Variants in CAPNS1 observed in about 807,000 individuals in gnomAD.
CAPNS1 encodes the protein CANP small subunit.
In CAPNS1, 32 loss-of-function variants were observed where a neutral mutation model predicts 39.2. The observed-to-expected ratio is 0.82, with a 90% CI of 0.62 to 1.10. The LOEUF (loss-of-function observed/expected upper bound fraction) is 1.10. CAPNS1 is among the 50% of genes least tolerant of loss of function. CAPNS1 has a pLI of 0.00. For synonymous variants in CAPNS1, 153 were observed against 136.2 expected (o/e 1.12, Z -0.86); for missense variants, 353 against 373.1 (o/e 0.95, Z 0.44).
intron 6 of CAPNS1, among the ~76,000 whole-genome samples, chr19:36,144,976 C>G (rs1396165348): frequency 6.6e-6 from 1 of 152,142 alleles, no homozygotes; most frequent in African/African-American, 2.4e-5. Context: ...ATGTTTTCTT[C>G]TCTGGAAATA....
chr19:36,147,813 C>T (rs1033544996), intron 9 of CAPNS1, among the ~76,000 whole-genome samples: 2 of 151,306 alleles, frequency 1.3e-5, no homozygotes, highest in African/African-American at 4.9e-5. Context: ...TGGCTTATGC[C>T]TGTAATCCCA....
chr19:36,144,500 G>A (rs1974496576), intron 6 of CAPNS1, among the ~76,000 whole-genome samples: 1 of 152,158 alleles, frequency 6.6e-6, no homozygotes, highest in Admixed American at 6.5e-5. Context: ...CTGTACATGG[G>A]CCAGCCATTA....
chr19:36,141,135 G>A lies in CAPNS1; in HGVS notation c.124G>A (p.Gly42Ser). 7.2e-7 allele frequency: 1 copy of A among 1,384,992 alleles called. No homozygotes were observed. The highest frequency in any genetic ancestry group is 1.7e-5 in the South Asian group (1 of 57,374). The allele number at this position is 1,384,992 out of a possible 1,614,324, so 85.8% of individuals were successfully genotyped here. The change falls in exon 2 of 11, where the codon GGC becomes AGC. Residue 42 changes from glycine (G) to serine (S), a missense_variant. By Grantham distance (56) the Gly-to-Ser change is moderately conservative (BLOSUM62 0). Coordinates refer to ENST00000246533, the MANE Select transcript of CAPNS1 (RefSeq NM_001749.4). Reference sequence around the variant, plus strand: ...CAGCGGGGCCGGGGGCGGCGGCGGCGGCGGCGGCGGCGGCGGCGGTGGTGG... The same window carrying A: ...CAGCGGGGCCGGGGGCGGCGGCGGCAGCGGCGGCGGCGGCGGCGGTGGTGG... ...LISGAGGGGGGGGGGGGGGGG... is the reference protein window; with the variant it reads ...LISGAGGGGGSGGGGGGGGGG...
At position 36,141,065 on chromosome 19, in the gene CAPNS1, CG is replaced by C; in HGVS notation, c.59del (p.Gly20AlafsTer13). Reference protein sequence around the residue: ...KGGGGGGGGGGGLGGGLGNVL... With the variant: ...KGGGGGGGGGXGLGGGLGNVL... ...GCGGCGGCGGCGGCGGCGGGGGAGG[CG>C]GGGGCCTGGGTGGGGGCCTGGGAAA... On this transcript the variant is annotated frameshift_variant, in exon 2 of 11. Transcript: ENST00000246533. LOFTEE classifies it high-confidence loss of function. The C allele has an allele frequency of 3.8e-6, 2 of 524,370 alleles. No homozygotes were observed. The highest frequency in any genetic ancestry group is 7.8e-5 in the East Asian group (1 of 12,868). 32.5% of individuals were successfully genotyped at this position (524,370 alleles called of 1,614,324 possible).
Position 36,142,321 on chromosome 19 carries a change from C to A in CAPNS1, c.231C>A (p.Asn77Lys). ...SAISEAAAQY[N>K]PEPPPPRTHY... ...GCAGCGAGGCGGCTGCGCAGTACAA[C>A]CCGGAGCCCCCGGTAAGCCCCCTCT... The change falls in exon 3 of 11, where the codon AAC becomes AAA. Residue 77 changes from asparagine (N) to lysine (K), a missense_variant. Asn to Lys is a moderately conservative substitution (Grantham distance 94). Transcript: ENST00000246533. 3 of 1,559,418 alleles carry A rather than the reference C, an allele frequency of 1.9e-6. No homozygotes were observed. Among genetic ancestry groups the A allele is most frequent in the Non-Finnish European group, 1.7e-6 (2 of 1,145,624 alleles).
At chr19:36,149,454 C>T in intron 9 of CAPNS1, 124 bp from the exon 10 acceptor site, 1 of 880,358 alleles carries the variant, frequency 1.1e-6, no homozygotes, top group Non-Finnish European at 1.6e-6. Context: ...GCTTGGCACA[C>T]AGTAAATACT....
Position 36,143,065 on chromosome 19 carries a change from C to T in CAPNS1, c.393C>T (p.His131=), listed in dbSNP as rs1182501062. Residue 131 remains histidine (H), a splice_region_variant and synonymous_variant, in exon 6 of 11, where the codon CAC becomes CAT. Transcript: ENST00000246533. ...TGACTTTCAACCTGTTACCCACAGA[C>T]CCTGATCTGAAGACTGATGGTTTTG... The part of the protein sequence containing the change: ...MNILNKVVTR[H]PDLKTDGFGI... The T allele has an allele frequency of 1.9e-6, 3 of 1,614,174 alleles. No homozygotes were observed. Among genetic ancestry groups the T allele is most frequent in the Middle Eastern group, 1.7e-4 (1 of 6,060 alleles).
At position 36,149,908 on chromosome 19, in the gene CAPNS1, G is replaced by A; in HGVS notation, c.*69G>A. On this transcript the variant is annotated 3_prime_UTR_variant, in exon 11 of 11. Transcript: ENST00000246533. ...TCACCTGGAGCCTCGGTCTCTCCCA[G>A]GGCCGATCCTGTCTGCAGTCACATC... 7.5e-7 allele frequency: 1 copy of A among 1,338,998 alleles called. No homozygotes were observed. Among genetic ancestry groups the A allele is most frequent in the Non-Finnish European group, 9.8e-7 (1 of 1,022,764 alleles). 82.9% of individuals were successfully genotyped at this position (1,338,998 alleles called of 1,614,324 possible). A position where few individuals can be genotyped will look rare whatever the true frequency, so the allele number is the denominator to read the frequency against.
At chr19:36,143,173 G>A in intron 6 of CAPNS1, 45 bp downstream of exon 6, 3 of 1,569,522 alleles carry the variant, frequency 1.9e-6, no homozygotes, top group Non-Finnish European at 2.6e-6. Context: ...TGGACAGAGA[G>A]TTTTTTGAGA....
In CAPNS1 at chr19:36,142,745, A is replaced by G. The variant is rs1307799053; in HGVS notation, c.333+4A>G. The G allele has an allele frequency of 6.2e-7, 1 of 1,613,394 alleles. No homozygotes were observed. Among genetic ancestry groups the G allele is most frequent in the Non-Finnish European group, 8.5e-7 (1 of 1,179,508 alleles). On this transcript the variant is annotated splice_donor_region_variant and intron_variant, in intron 4 of 10. Transcript: ENST00000246533. ...CTTTGCCCAGCTGGCTGGAGATGTA[A>G]GTAACCTGGGGTCCCTGGCCCCGTC...
In CAPNS1 at chr19:36,145,800, C is replaced by T. The variant is rs1390384128; in HGVS notation, c.457-6C>T. 1 of 1,613,578 alleles carries T rather than the reference C, an allele frequency of 6.2e-7. No individual in the cohort carries two copies. The highest frequency in any genetic ancestry group is 1.7e-5 in the Admixed American group (1 of 60,002). ...GCTGTCACTCTTCTTAACACCCTCCCACCAGAGCGACACCACAGGCAAGCT... is the reference window on the plus strand; with the variant it reads ...GCTGTCACTCTTCTTAACACCCTCCTACCAGAGCGACACCACAGGCAAGCT... On this transcript the variant is annotated splice_region_variant and splice_polypyrimidine_tract_variant and intron_variant, in intron 6 of 10. Coordinates refer to ENST00000246533, the MANE Select transcript of CAPNS1 (RefSeq NM_001749.4).
chr19:36,147,505 G>A (rs796198254), intron 9 of CAPNS1, among the ~76,000 whole-genome samples: 8 of 152,168 alleles, frequency 5.3e-5, no homozygotes, highest in South Asian at 2.1e-4. Context: ...GGTGGCTCAC[G>A]CCTGTAATCC....
chr19:36,141,167 C>T lies in CAPNS1; in HGVS notation c.156C>T (p.Gly52=), dbSNP rs1299162601. 16 of 1,406,050 alleles carry T rather than the reference C, an allele frequency of 1.1e-5. No individual in the cohort carries two copies. In the African/African-American group the frequency reaches 1.2e-4, roughly 11 times the overall value. 87.1% of individuals were successfully genotyped at this position (1,406,050 alleles called of 1,614,324 possible). ...GGGGGGGGGG[G]GGGGTAMRIL... ...GCGGCGGCGGCGGTGGTGGAGGCGG[C>T]GGTGGCGGTGGAACGGCCATGCGCA... Residue 52 remains glycine (G), a synonymous_variant, in exon 2 of 11, where the codon GGC becomes GGT. Coordinates refer to ENST00000246533, the MANE Select transcript of CAPNS1 (RefSeq NM_001749.4).
In CAPNS1 at chr19:36,150,144, T is replaced by C; in HGVS notation, c.*305T>C. On this transcript the variant is annotated 3_prime_UTR_variant, in exon 11 of 11. Coordinates refer to ENST00000246533, the MANE Select transcript of CAPNS1 (RefSeq NM_001749.4). ...CTGTACCTGTGCCAAGCCTAGCACT[T>C]GTGATGCCTCCATGCCCCGAGGGCC... The C allele has an allele frequency of 3.1e-6, 1 of 319,034 alleles. No individual in the cohort carries two copies. Among genetic ancestry groups the C allele is most frequent in the African/African-American group, 2.1e-5 (1 of 46,772 alleles). The allele number at this position is 319,034 out of a possible 1,614,324, so 19.8% of individuals were successfully genotyped here.
chr19:36,145,669 G>C (rs923023765), intron 6 of CAPNS1, 137 bp from the exon 7 acceptor site: 10 of 638,590 alleles, frequency 1.6e-5, no homozygotes, highest in Non-Finnish European at 2.5e-5. Flanking sequence ...CGCACACCAG[G>C]TGATATGACT....
intron 1 of CAPNS1, chr19:36,140,782 C>T: frequency 5.4e-6 from 3 of 553,660 alleles, no homozygotes; most frequent in Admixed American, 8.0e-5. Context: ...TCCAGGCTCC[C>T]TCAAGCCCCA....
In CAPNS1 at chr19:36,146,225, A is replaced by G; in HGVS notation, c.634A>G (p.Met212Val). 6.2e-7 allele frequency: 1 copy of G among 1,613,736 alleles called. No individual in the cohort carries two copies. Residue 212 changes from methionine to valine, a missense_variant, in exon 9 of 11, where the codon ATG (methionine) becomes GTG (valine). Physicochemically the swap from Met to Val is conservative, Grantham distance 21. Transcript: ENST00000246533. ...CCACCTGAATGAGCATCTCTATAAC[A>G]TGATCATCCGACGCTACTCAGATGA... ...GFHLNEHLYN[M>V]IIRRYSDESG... is the part of the protein sequence containing the mutation.
rs1246374379 is a variant in CAPNS1 at position 36,150,118 on chromosome 19, C to T, written c.*279C>T. On this transcript the variant is annotated 3_prime_UTR_variant, in exon 11 of 11. Coordinates refer to ENST00000246533, the MANE Select transcript of CAPNS1 (RefSeq NM_001749.4). ...CACACACCCACTCCGTAACCTCTCC[C>T]CTGTACCTGTGCCAAGCCTAGCACT... The T allele has an allele frequency of 1.1e-5, 4 of 357,884 alleles. No homozygotes were observed. The highest frequency in any genetic ancestry group is 4.2e-5 in the African/African-American group (2 of 47,660). 22.2% of individuals were successfully genotyped at this position (357,884 alleles called of 1,614,324 possible).
At position 36,142,962 on chromosome 19, in the gene CAPNS1, A is replaced by G. The variant is rs17878500; in HGVS notation, c.387A>G (p.Thr129=). 2,185 of 1,614,200 alleles carry G rather than the reference A, an allele frequency of 1.4e-3. 31 individuals carry two copies. In the African/African-American group the frequency reaches 0.026, roughly 19 times the overall value. Reference sequence around the variant, plus strand: ...TGAACATTCTCAATAAGGTTGTGACACGACGTAAGTGACCGGGGTTAAGGA... The same window carrying G: ...TGAACATTCTCAATAAGGTTGTGACGCGACGTAAGTGACCGGGGTTAAGGA... ...ELMNILNKVV[T]RHPDLKTDGF... Residue 129 remains threonine, a synonymous_variant, in exon 5 of 11, where the codon ACA becomes ACG. Coordinates refer to ENST00000246533, the MANE Select transcript of CAPNS1 (RefSeq NM_001749.4).
Sources: allele counts gnomAD v4.1 joint callset (sites outside exome capture counted in the v4.1 genomes callset), GRCh38; gene constraint gnomAD v4.1.1; transcripts MANE v1.5; gene names NCBI Gene and HGNC (gene_info 2026-07-23, HGNC 2026-07-21).